Variants in CLSTN2 observed in about 807,000 individuals in gnomAD.
CLSTN2 encodes the protein calsyntenin 2.
A neutral mutation model predicts 101.2 loss-of-function variants in CLSTN2; 48 were observed. That is an observed-to-expected ratio of 0.47 (90% confidence interval 0.38 to 0.60). CLSTN2 has a LOEUF of 0.60. Ranked by LOEUF, CLSTN2 falls within the 20% of genes least tolerant of loss-of-function variation. The probability of loss-of-function intolerance (pLI) is 0.00; values close to 1 mark genes in which losing one functional copy is unlikely to be tolerated. For missense variants in CLSTN2, 1,160 were observed against 1,238.2 expected, an observed-to-expected ratio of 0.94 and a Z score of 0.95; for synonymous variants, 481 against 463.6, an observed-to-expected ratio of 1.04 and a Z score of -0.48.
chr3:140,402,011 G>T (rs560537147), intron 2 of CLSTN2, among the ~76,000 whole-genome samples: 14 of 152,110 alleles, frequency 9.2e-5, no homozygotes, highest in Non-Finnish European at 1.8e-4. Context: ...TTGAGAAATG[G>T]CTAGGAGGGG....
intron 1 of CLSTN2, among the ~76,000 whole-genome samples, chr3:140,080,107 G>C (rs1189564872): frequency 6.6e-6 from 1 of 152,176 alleles, no homozygotes; most frequent in South Asian, 2.1e-4. Context: ...TGAGGCCAGA[G>C]TTCATACCCC....
intron 1 of CLSTN2, among the ~76,000 whole-genome samples, chr3:140,132,594 T>C (rs2009539943): frequency 2.0e-5 from 3 of 152,204 alleles, no homozygotes; most frequent in Non-Finnish European, 4.4e-5. Flanking sequence ...GAAAGTTGAA[T>C]GTAGTAGAGG....
At chr3:140,236,851 GTGTGTGTGTGTGTA>G (rs998977710) in intron 2 of CLSTN2, among the ~76,000 whole-genome samples, 48 of 113,506 alleles carry the variant, frequency 4.2e-4, no homozygotes, top group African/African-American at 1.1e-3. Flanking sequence ...GTGTGTGTGT[GTGTGTGTGTGTGTA>G]TATAAATTTC....
chr3:140,385,640 G>A (rs2088043850), intron 2 of CLSTN2, among the ~76,000 whole-genome samples: 1 of 151,990 alleles, frequency 6.6e-6, no homozygotes. Flanking sequence ...GCCTCCCAAA[G>A]TACTGGGATT....
intron 1 of CLSTN2, among the ~76,000 whole-genome samples, chr3:139,988,931 T>C (rs905961954): frequency 6.6e-6 from 1 of 151,984 alleles, no homozygotes; most frequent in Non-Finnish European, 1.5e-5. Flanking sequence ...AAGGACAGAG[T>C]GTGATAGAAA....
chr3:140,404,895 C>T, intron 4 of CLSTN2, 129 bp downstream of exon 4: 1 of 778,912 alleles, frequency 1.3e-6, no homozygotes, highest in Non-Finnish European at 2.1e-6. Context: ...GTCTAAGCTC[C>T]ATAACCCAGA....
chr3:140,080,052 T>C (rs753439269), intron 1 of CLSTN2, among the ~76,000 whole-genome samples: 44 of 152,188 alleles, frequency 2.9e-4, no homozygotes, highest in Non-Finnish European at 5.3e-4. Flanking sequence ...CATGAGGAGA[T>C]TGAGAACAAA....
chr3:140,240,174 C>CTCTCTCTCTCTCTATATATA (rs1311225528), intron 2 of CLSTN2, among the ~76,000 whole-genome samples: 2 of 13,344 alleles, frequency 1.5e-4, no homozygotes, highest in Non-Finnish European at 3.6e-4. Context: ...CTCTCTCTCT[C>CTCTCTCTCTCTCTATATATA]TATATATATA....
At chr3:140,008,742 G>A (rs1223608108) in intron 1 of CLSTN2, among the ~76,000 whole-genome samples, 2 of 152,314 alleles carry the variant, frequency 1.3e-5, no homozygotes, top group Non-Finnish European at 2.9e-5. Context: ...CCATCAAAGA[G>A]TCAGTTATGT....
chr3:140,045,184 A>G (rs1431567196), intron 1 of CLSTN2, among the ~76,000 whole-genome samples: 1 of 152,054 alleles, frequency 6.6e-6, no homozygotes. Context: ...TTGGTAGGCT[A>G]TTAGTTATTG....
intron 2 of CLSTN2, among the ~76,000 whole-genome samples, chr3:140,207,690 C>T (rs1434903998): frequency 6.6e-6 from 1 of 152,086 alleles, no homozygotes; most frequent in African/African-American, 2.4e-5. Context: ...TCTTGATGCA[C>T]TTGTTTGATT....
chr3:140,312,234 C>A (rs7638929), intron 2 of CLSTN2, among the ~76,000 whole-genome samples: 15,930 of 152,172 alleles, frequency 0.1, 2,226 homozygotes, highest in African/African-American at 0.32. Context: ...TTTACTTTAC[C>A]AGTCGGAATC....
chr3:140,105,783 C>T (rs747490275), intron 1 of CLSTN2, among the ~76,000 whole-genome samples: 50 of 152,200 alleles, frequency 3.3e-4, no homozygotes, highest in Non-Finnish European at 5.7e-4. Flanking sequence ...ACCTCAGCCT[C>T]AGGGACCTGT....
intron 1 of CLSTN2, among the ~76,000 whole-genome samples, chr3:140,094,733 G>A (rs373615791): frequency 6.6e-6 from 1 of 152,184 alleles, no homozygotes; most frequent in African/African-American, 2.4e-5. Context: ...TGGAAAAAAA[G>A]CAGACAAGAG....
At chr3:140,157,756 T>C (rs576675552) in intron 1 of CLSTN2, among the ~76,000 whole-genome samples, 4 of 152,352 alleles carry the variant, frequency 2.6e-5, no homozygotes, top group South Asian at 4.1e-4. Flanking sequence ...AATTTAGTTA[T>C]TTATTTTCTT....
At chr3:139,974,753 A>T (rs550197072) in intron 1 of CLSTN2, among the ~76,000 whole-genome samples, 2 of 152,376 alleles carry the variant, frequency 1.3e-5, no homozygotes, top group South Asian at 4.1e-4. Context: ...TCTAAATTGT[A>T]TATAAAATCC....
chr3:140,443,957 A>G (rs1406684589), intron 5 of CLSTN2, among the ~76,000 whole-genome samples: 1 of 152,228 alleles, frequency 6.6e-6, no homozygotes, highest in African/African-American at 2.4e-5. Flanking sequence ...GTGTCAAAGC[A>G]AACCTCCAGC....
intron 2 of CLSTN2, among the ~76,000 whole-genome samples, chr3:140,356,896 A>G (rs930516767): frequency 2.0e-5 from 3 of 152,194 alleles, no homozygotes; most frequent in Admixed American, 1.3e-4. Context: ...TACTCTGTGG[A>G]GACCATGCTC....
chr3:140,380,406 T>G (rs6786062), intron 2 of CLSTN2, among the ~76,000 whole-genome samples: 142,624 of 152,272 alleles, frequency 0.94, 67,494 homozygotes, highest in East Asian at 1. Context: ...TCTCAGATTG[T>G]CTCCCTCAGG....
Sources: gnomAD v4.1 joint callset for allele counts (sites outside exome capture counted in the v4.1 genomes callset) on GRCh38, gnomAD v4.1.1 for gene constraint, MANE v1.5 for transcripts, NCBI Gene and HGNC (gene_info 2026-07-23, HGNC 2026-07-21) for gene names.